Variants in SLC24A2 observed in about 807,000 individuals in gnomAD.
SLC24A2 encodes solute carrier family 24 member 2.
A neutral mutation model predicts 62.0 loss-of-function variants in SLC24A2; 36 were observed. The observed-to-expected ratio is 0.58, with a 90% CI of 0.44 to 0.77. SLC24A2 has a LOEUF of 0.77. Ranked by LOEUF, SLC24A2 falls within the 30% of genes least tolerant of loss-of-function variation. The pLI is 0.00. For missense variants in SLC24A2, 846 were observed against 817.9 expected (o/e 1.03, Z -0.42); for synonymous variants, 358 against 294.0 (o/e 1.22, Z -2.23).
chr9:19,987,958 G>A, the SLC24A2 span, among the ~76,000 whole-genome samples: 1 of 152,154 alleles, frequency 6.6e-6, no homozygotes, highest in Admixed American at 6.6e-5. Flanking sequence ...TATTAGAAAT[G>A]TCAATTGCAT....
At chr9:20,142,213 G>C in the SLC24A2 span, among the ~76,000 whole-genome samples, 403 of 152,252 alleles carry the variant, frequency 2.6e-3, 1 homozygote, top group Admixed American at 4.1e-3. Context: ...GAGTTCTGCA[G>C]GAAAGAATAC....
intron 2 of SLC24A2, among the ~76,000 whole-genome samples, chr9:19,729,758 T>C (rs977876027): frequency 5.9e-5 from 9 of 152,124 alleles, no homozygotes; most frequent in African/African-American, 2.2e-4. Flanking sequence ...TATTAAAGGA[T>C]ATAAAATTAG....
At chr9:20,038,507 A>T in the SLC24A2 span, among the ~76,000 whole-genome samples, 1 of 152,172 alleles carries the variant, frequency 6.6e-6, no homozygotes, top group Non-Finnish European at 1.5e-5. Flanking sequence ...TGACCCTACG[A>T]ATAAAAACTC....
intron 1 of SLC24A2, 136 bp downstream of exon 1, chr9:19,788,749 G>A (rs1291859062): frequency 1.0e-6 from 1 of 985,314 alleles, no homozygotes; most frequent in East Asian, 1.1e-4. Context: ...ACTCCTAGCG[G>A]GGCCTGGGGC....
chr9:20,284,628 G>A, the SLC24A2 span, among the ~76,000 whole-genome samples: 1 of 151,982 alleles, frequency 6.6e-6, no homozygotes, highest in East Asian at 1.9e-4. Flanking sequence ...TTTTTTTAAA[G>A]AGAATAAAAT....
At chr9:20,098,812 G>C in the SLC24A2 span, among the ~76,000 whole-genome samples, 1 of 152,068 alleles carries the variant, frequency 6.6e-6, no homozygotes, top group South Asian at 2.1e-4. Context: ...GCTCCTTTAG[G>C]GAAAAATCTC....
At chr9:20,013,566 G>C in the SLC24A2 span, among the ~76,000 whole-genome samples, 10 of 152,114 alleles carry the variant, frequency 6.6e-5, no homozygotes, top group African/African-American at 2.4e-4. Flanking sequence ...AAATGAGATG[G>C]CATCAAACTA....
chr9:20,124,675 T>A, the SLC24A2 span, among the ~76,000 whole-genome samples: 1 of 152,200 alleles, frequency 6.6e-6, no homozygotes, highest in South Asian at 2.1e-4. Flanking sequence ...TCTGGTGCCC[T>A]ATGCACTAGA....
chr9:19,859,757 C>T, the SLC24A2 span, among the ~76,000 whole-genome samples: 2 of 152,204 alleles, frequency 1.3e-5, no homozygotes, highest in African/African-American at 4.8e-5. Flanking sequence ...GCAGTGGCAG[C>T]ATTGTGAGGA....
the SLC24A2 span, among the ~76,000 whole-genome samples, chr9:20,085,651 T>C: frequency 1.3e-5 from 2 of 152,228 alleles, no homozygotes; most frequent in Non-Finnish European, 2.9e-5. Context: ...AGCTAGTAAA[T>C]GGCAAAATTT....
chr9:19,545,474 G>A (rs1197547258), intron 8 of SLC24A2, among the ~76,000 whole-genome samples: 2 of 151,838 alleles, frequency 1.3e-5, no homozygotes, highest in Non-Finnish European at 2.9e-5. Flanking sequence ...TCCATTGCTG[G>A]TGAGGAGTTG....
intron 2 of SLC24A2, among the ~76,000 whole-genome samples, chr9:19,699,167 G>A (rs1343840708): frequency 1.3e-5 from 2 of 152,120 alleles, no homozygotes; most frequent in Admixed American, 1.3e-4. Flanking sequence ...GGTACCTACT[G>A]CTGGGTCTCT....
the SLC24A2 span, among the ~76,000 whole-genome samples, chr9:20,295,850 A>C: frequency 1.3e-5 from 2 of 152,146 alleles, no homozygotes; most frequent in Non-Finnish European, 2.9e-5. Context: ...CCTATCATGG[A>C]ACTTCTCAGC....
At chr9:20,097,418 GTCTTTC>G in the SLC24A2 span, among the ~76,000 whole-genome samples, 2 of 152,160 alleles carry the variant, frequency 1.3e-5, no homozygotes, top group South Asian at 2.1e-4. Context: ...ATTGATATGA[GTCTTTC>G]TCTTTCTTCT....
At chr9:19,526,161 C>A (rs1223591778) in intron 9 of SLC24A2, among the ~76,000 whole-genome samples, 3 of 152,174 alleles carry the variant, frequency 2.0e-5, no homozygotes, top group African/African-American at 4.8e-5. Flanking sequence ...GAATTTCACT[C>A]ATGTTGTAGC....
chr9:19,987,137 T>A, the SLC24A2 span, among the ~76,000 whole-genome samples: 1 of 151,812 alleles, frequency 6.6e-6, no homozygotes, highest in African/African-American at 2.4e-5. Context: ...TTGATATAGA[T>A]TGGAATGTGG....
At chr9:19,965,139 G>A in the SLC24A2 span, among the ~76,000 whole-genome samples, 1 of 152,050 alleles carries the variant, frequency 6.6e-6, no homozygotes, top group East Asian at 1.9e-4. Context: ...AGGAACACAG[G>A]AGTGGAAGAG....
intron 2 of SLC24A2, among the ~76,000 whole-genome samples, chr9:19,682,077 A>G (rs1468146557): frequency 6.6e-6 from 1 of 152,126 alleles, no homozygotes. Flanking sequence ...TCTCTCTGCC[A>G]TGGGTTAATG....
chr9:19,606,886 T>A (rs1006817868), intron 4 of SLC24A2, among the ~76,000 whole-genome samples: 1 of 152,104 alleles, frequency 6.6e-6, no homozygotes, highest in Non-Finnish European at 1.5e-5. Context: ...AGGAGAGAAA[T>A]GGATCCTGAC....
Sources: gnomAD v4.1 joint callset for allele counts (sites outside exome capture counted in the v4.1 genomes callset) on GRCh38, gnomAD v4.1.1 for gene constraint, MANE v1.5 for transcripts, NCBI Gene and HGNC (gene_info 2026-07-23, HGNC 2026-07-21) for gene names.